Variants in OTOGL observed in about 807,000 individuals in gnomAD.
The protein encoded by OTOGL is otogelin-like protein.
In OTOGL, 285 loss-of-function variants were observed where a neutral mutation model predicts 318.5. That is an observed-to-expected ratio of 0.89 (90% CI 0.81 to 0.99). OTOGL has a LOEUF of 0.99. Among genes scored for constraint, OTOGL ranks in the 50% least tolerant of loss-of-function variants. The pLI is 0.00. For synonymous variants in OTOGL, 987 were observed against 936.5 expected (o/e 1.05, Z -0.99); for missense variants, 2,899 against 2,845.6 (o/e 1.02, Z -0.43).
chr12:80,233,149 C>A, intron 9 of OTOGL, 52 bp downstream of exon 9: 1 of 1,456,828 alleles, frequency 6.9e-7, no homozygotes, highest in African/African-American at 1.4e-5. Context: ...TTCTTCTTCC[C>A]CTGACCAAGT....
At chr12:80,127,616 A>C (rs1361911574) in intron 1 of OTOGL, among the ~76,000 whole-genome samples, 1 of 152,316 alleles carries the variant, frequency 6.6e-6, no homozygotes, top group South Asian at 2.1e-4. Context: ...GTTCTCCTGC[A>C]TAATATCCTG....
chr12:80,205,380 A>G (rs576159045), intron 1 of OTOGL, among the ~76,000 whole-genome samples: 2 of 152,248 alleles, frequency 1.3e-5, no homozygotes, highest in Non-Finnish European at 2.9e-5. Context: ...AAATGTCGCT[A>G]TAAAACATAA....
At position 80,356,815 on chromosome 12, in the gene OTOGL, C is replaced by A; in HGVS notation, c.5920C>A (p.Pro1974Thr). The change falls in exon 49 of 59, where the codon CCA becomes ACA. Residue 1974 changes from proline to threonine, a missense_variant. Transcript: ENST00000547103. ...CCPQYKCECD[P>T]LKCPSISTPE... ...TAATTTTGTTTCTGCAGAATGTGACCCATTGAAATGCCCCAGTATTTCAAC... is the reference window on the plus strand; with the variant it reads ...TAATTTTGTTTCTGCAGAATGTGACACATTGAAATGCCCCAGTATTTCAAC... 2 of 1,586,418 alleles carry A rather than the reference C, an allele frequency of 1.3e-6. No homozygotes were observed. The highest frequency in any genetic ancestry group is 1.2e-5 in the South Asian group (1 of 85,924).
At chr12:80,347,958 TG>T (rs1392854575) in intron 44 of OTOGL, among the ~76,000 whole-genome samples, 1 of 152,234 alleles carries the variant, frequency 6.6e-6, no homozygotes, top group Non-Finnish European at 1.5e-5. Context: ...ACCCACTTTT[TG>T]ATGGGGTTGT....
At chr12:80,124,765 G>A (rs1870707832) in intron 1 of OTOGL, among the ~76,000 whole-genome samples, 1 of 151,888 alleles carries the variant, frequency 6.6e-6, no homozygotes, top group Admixed American at 6.5e-5. Context: ...TCCCTTGTAA[G>A]TTGGATTCCT....
At chr12:80,288,712 C>T (rs1338258330) in intron 26 of OTOGL, among the ~76,000 whole-genome samples, 1 of 151,796 alleles carries the variant, frequency 6.6e-6, no homozygotes, top group Non-Finnish European at 1.5e-5. Context: ...GTATGCTTCA[C>T]GAAGTTCTCA....
chr12:80,154,913 TC>T (rs1381523583), intron 1 of OTOGL, among the ~76,000 whole-genome samples: 1 of 152,218 alleles, frequency 6.6e-6, no homozygotes, highest in Non-Finnish European at 1.5e-5. Context: ...GAATGAAAGT[TC>T]CTGTTGCTAC....
intron 27 of OTOGL, among the ~76,000 whole-genome samples, chr12:80,300,070 A>G (rs1288953579): frequency 6.6e-6 from 1 of 152,194 alleles, no homozygotes. Context: ...AAGATGCTAA[A>G]AAGTGCAGTG....
chr12:80,295,826 T>C (rs770930307), intron 26 of OTOGL, among the ~76,000 whole-genome samples: 1 of 152,220 alleles, frequency 6.6e-6, no homozygotes, highest in Non-Finnish European at 1.5e-5. Context: ...TAACATCCCA[T>C]TGTATCTCAT....
Position 80,257,991 on chromosome 12 carries a change from G to C in OTOGL, c.1878G>C (p.Arg626Ser), listed in dbSNP as rs769796121. The C allele has an allele frequency of 1.9e-6, 3 of 1,579,000 alleles. No homozygotes were observed. In the East Asian group the frequency reaches 6.7e-5, roughly 35 times the overall value. Residue 626 changes from arginine (R) to serine (S), a missense_variant, in exon 18 of 59, where the codon AGG becomes AGC. Arg to Ser is a moderately radical substitution (Grantham distance 110). Transcript: ENST00000547103. ...GLCGTFNGNI[R>S]DDFLSPSGMI... ...GTGGCACTTTTAATGGCAACATAAG[G>C]GATGATTTTCTGTAAGTATGATTTC...
rs1479738617 is a variant in OTOGL, at chr12:80,290,559, A to G, written c.2929-6268A>G. ...AAGTTTTGCTGACAATATAATGTCA[A>G]ACATGACATGTTCCCATTGGATATA... On this transcript the variant is annotated intron_variant, in intron 26 of 58. Transcript: ENST00000547103. 2.6e-5 allele frequency among the ~76,000 whole-genome samples: 4 copies of G among 152,352 alleles called. No individual in the cohort carries two copies. The East Asian group carries it at 7.7e-4, about 29-fold the overall frequency.
chr12:80,261,243 ACCTGATT>A (rs895257806), intron 18 of OTOGL, among the ~76,000 whole-genome samples: 48 of 152,240 alleles, frequency 3.2e-4, no homozygotes, highest in African/African-American at 1.1e-3. Flanking sequence ...ATCTAGTTCA[ACCTGATT>A]CCTAAGAAGT....
intron 33 of OTOGL, 52 bp from the exon 34 acceptor site, chr12:80,320,370 A>T: frequency 6.7e-7 from 1 of 1,500,524 alleles, no homozygotes; most frequent in East Asian, 2.3e-5. Context: ...TGTGATGCCA[A>T]TGTTGATGAT....
rs1198955630 is a variant in OTOGL at position 80,353,358 on chromosome 12, C to T, written c.5441C>T (p.Pro1814Leu). Residue 1814 changes from proline to leucine, a missense_variant, in exon 46 of 59, where the codon CCC (proline) becomes CTC (leucine). Physicochemically the swap from Pro to Leu is moderately conservative, Grantham distance 98. This residue lies in a region of OTOGL where 2,607 missense variants were observed against 2,524.9 expected (regional missense o/e 1.03). Coordinates refer to ENST00000547103, the MANE Select transcript of OTOGL (RefSeq NM_001378609.3). ...TGCCCAGAGGGGAAGGAATATCAAC[C>T]CTGTGTGCGACCTTGTGAAGCAAGA... ...LSCPEGKEYQ[P>L]CVRPCEARTC... The T allele has an allele frequency of 6.3e-7, 1 of 1,594,142 alleles. No homozygotes were observed. The highest frequency in any genetic ancestry group is 2.3e-5 in the East Asian group (1 of 44,340).
chr12:80,316,751 CTG>C (rs949330441), intron 32 of OTOGL, among the ~76,000 whole-genome samples: 5 of 152,150 alleles, frequency 3.3e-5, no homozygotes, highest in African/African-American at 9.7e-5. Context: ...GAATATAAAA[CTG>C]TGATGATTGT....
intron 4 of OTOGL, among the ~76,000 whole-genome samples, chr12:80,215,542 C>T (rs770753964): frequency 1.3e-5 from 2 of 152,078 alleles, no homozygotes; most frequent in Admixed American, 6.6e-5. Context: ...TGAATCCTCA[C>T]GATTCTGTGA....
chr12:80,374,473 G>A (rs1302341829), intron 57 of OTOGL, among the ~76,000 whole-genome samples: 1 of 151,976 alleles, frequency 6.6e-6, no homozygotes, highest in Non-Finnish European at 1.5e-5. Context: ...TAATTACTAA[G>A]GCTTTAATTA....
At chr12:80,103,444 C>T in intron 1 of OTOGL, 2 of 608,106 alleles carry the variant, frequency 3.3e-6, no homozygotes, top group Admixed American at 3.0e-5. Flanking sequence ...GAATGTTGTC[C>T]CTTCTCTTCC....
intron 19 of OTOGL, among the ~76,000 whole-genome samples, chr12:80,263,156 A>G (rs1882683408): frequency 6.6e-6 from 1 of 152,142 alleles, no homozygotes; most frequent in Admixed American, 6.6e-5. Flanking sequence ...CTTATCTATA[A>G]TAACACGGCT....
Sources: gnomAD v4.1 joint callset for allele counts (sites outside exome capture counted in the v4.1 genomes callset) on GRCh38, gnomAD v4.1.1 for gene constraint, gnomAD v4.1.1 regional missense constraint, MANE v1.5 for transcripts, NCBI Gene and HGNC (gene_info 2026-07-23, HGNC 2026-07-21) for gene names.